Variants in SV2C observed in about 807,000 individuals in gnomAD.
SV2C encodes synaptic vesicle glycoprotein 2C.
In SV2C, 49 loss-of-function variants were observed where a neutral mutation model predicts 79.7. The observed-to-expected ratio is 0.61, with a 90% CI of 0.49 to 0.78. The LOEUF is 0.78. SV2C is among the 30% of genes least tolerant of loss of function. The pLI is 0.00. For missense variants in SV2C, 833 were observed against 912.9 expected (o/e 0.91, Z 1.13); for synonymous variants, 334 against 333.2 (o/e 1.00, Z -0.03).
At chr5:76,272,067 A>C (rs1746885952) in intron 4 of SV2C, among the ~76,000 whole-genome samples, 1 of 152,308 alleles carries the variant, frequency 6.6e-6, no homozygotes, top group Admixed American at 6.5e-5. Context: ...CAAGTGTTAA[A>C]TGATTTGTTC....
chr5:76,168,867 C>T (rs1212665735), intron 2 of SV2C, among the ~76,000 whole-genome samples: 1 of 152,174 alleles, frequency 6.6e-6, no homozygotes, highest in Non-Finnish European at 1.5e-5. Context: ...GAGTTGCTCT[C>T]AAAGGCTGAC....
the SV2C span, among the ~76,000 whole-genome samples, chr5:76,014,109 T>G: frequency 2.0e-5 from 2 of 101,966 alleles, no homozygotes; most frequent in Non-Finnish European, 3.9e-5. Flanking sequence ...AAAGAGAGGA[T>G]GAAAGAGAAA....
At position 76,106,406 on chromosome 5, in the gene SV2C, T is replaced by A. The variant is rs372853894; in HGVS notation, c.-102+22894T>A. On this transcript the variant is annotated intron_variant, in intron 1 of 12. Transcript: ENST00000502798. ...ATCCTGAGCATAGCAACCAGAGCAA[T>A]CTCTTAAAAGAAGTCAGATCATGTC... Among the ~76,000 whole-genome samples, 193 of 152,246 alleles carry A rather than the reference T, an allele frequency of 1.3e-3. 6 individuals are homozygous for A. In the South Asian group the frequency reaches 0.039, roughly 30 times the overall value.
intron 12 of SV2C, among the ~76,000 whole-genome samples, chr5:76,311,914 G>C (rs1203951638): frequency 2.0e-5 from 3 of 152,156 alleles, no homozygotes; most frequent in Admixed American, 1.3e-4. Flanking sequence ...TTTAGTCTGT[G>C]CTGGTCAGCT....
chr5:76,030,613 A>G, the SV2C span, among the ~76,000 whole-genome samples: 1 of 151,946 alleles, frequency 6.6e-6, no homozygotes, highest in Non-Finnish European at 1.5e-5. Context: ...ACTTTGCACA[A>G]TTGTAAGAAG....
At chr5:76,307,684 C>A (rs1247078511) in intron 12 of SV2C, among the ~76,000 whole-genome samples, 1 of 152,140 alleles carries the variant, frequency 6.6e-6, no homozygotes, top group Non-Finnish European at 1.5e-5. Context: ...CCGCAGGTCC[C>A]TGATTTAGTT....
intron 1 of SV2C, among the ~76,000 whole-genome samples, chr5:76,092,752 C>T (rs1381918810): frequency 6.6e-6 from 1 of 152,118 alleles, no homozygotes; most frequent in East Asian, 1.9e-4. Context: ...GTTCTCCCTC[C>T]TACCATCTCT....
chr5:75,888,774 G>C, the SV2C span, among the ~76,000 whole-genome samples: 27 of 151,922 alleles, frequency 1.8e-4, no homozygotes, highest in African/African-American at 6.5e-4. Flanking sequence ...GTAAATGCCA[G>C]GGGGGTGGCC....
chr5:76,232,065 G>A (rs1286483807), intron 4 of SV2C, among the ~76,000 whole-genome samples: 68 of 148,332 alleles, frequency 4.6e-4, no homozygotes, highest in African/African-American at 1.7e-3. Context: ...CAGTGTAAAA[G>A]TGTTCCTATT....
chr5:75,921,509 A>G, the SV2C span: 1 of 805,810 alleles, frequency 1.2e-6, no homozygotes, highest in South Asian at 1.3e-5. Context: ...TGCAATGGCC[A>G]GGGCTGTGAC....
At chr5:76,080,907 G>C (rs138399674), upstream of SV2C, among the ~76,000 whole-genome samples, 1 of 152,320 alleles carries the variant, frequency 6.6e-6, no homozygotes, top group African/African-American at 2.4e-5. Context: ...TGGGGCCAAG[G>C]TGTGTGCCAG....
the SV2C span, among the ~76,000 whole-genome samples, chr5:75,954,883 G>T: frequency 1.1e-4 from 15 of 142,388 alleles, no homozygotes; most frequent in Admixed American, 1.4e-4. Context: ...CACTGCTCAA[G>T]GAAATAAAAG....
chr5:76,339,245 TTTTA>T (rs1749390946), intron 12 of SV2C, among the ~76,000 whole-genome samples: 1 of 152,234 alleles, frequency 6.6e-6, no homozygotes, highest in African/African-American at 2.4e-5. Flanking sequence ...TAACAATCCT[TTTTA>T]TTAACTGCCT....
chr5:76,352,206 C>G (rs1165408164), intron 12 of SV2C, among the ~76,000 whole-genome samples: 1 of 152,066 alleles, frequency 6.6e-6, no homozygotes, highest in Non-Finnish European at 1.5e-5. Context: ...GAGTGAGACT[C>G]TGTCTTAAAA....
At chr5:76,022,621 G>T in the SV2C span, among the ~76,000 whole-genome samples, 2 of 152,088 alleles carry the variant, frequency 1.3e-5, no homozygotes, top group South Asian at 4.2e-4. Context: ...ATAATTTTTG[G>T]GAACCACTCT....
intron 12 of SV2C, among the ~76,000 whole-genome samples, chr5:76,339,532 G>A (rs1166460148): frequency 6.6e-6 from 1 of 152,038 alleles, no homozygotes; most frequent in African/African-American, 2.4e-5. Flanking sequence ...GGCTAACAAG[G>A]TGAAACTCTG....
At chr5:76,078,705 G>A (rs142482200), upstream of SV2C, 196 of 510,090 alleles carry the variant, frequency 3.8e-4, no homozygotes, top group African/African-American at 3.2e-3. Context: ...CTTCATGCTC[G>A]GTGCCAAAGC....
the SV2C span, among the ~76,000 whole-genome samples, chr5:76,070,316 G>C: frequency 6.6e-6 from 1 of 152,130 alleles, no homozygotes; most frequent in African/African-American, 2.4e-5. Context: ...CAGGTAACAG[G>C]AAATCTCGCA....
At chr5:76,117,191 C>T (rs1354677704) in intron 1 of SV2C, among the ~76,000 whole-genome samples, 3 of 152,114 alleles carry the variant, frequency 2.0e-5, no homozygotes, top group Non-Finnish European at 4.4e-5. Context: ...CTGGCAGAAA[C>T]TAGTTTGTGG....
Sources: gnomAD v4.1 joint callset for allele counts (sites outside exome capture counted in the v4.1 genomes callset) on GRCh38, gnomAD v4.1.1 for gene constraint, MANE v1.5 for transcripts, NCBI Gene and HGNC (gene_info 2026-07-23, HGNC 2026-07-21) for gene names.